Variants in COL22A1 observed in about 807,000 individuals in gnomAD.
COL22A1 encodes the protein collagen alpha-1(XXII) chain.
COL22A1 carries 221 observed loss-of-function variants against 248.9 expected under a neutral mutation model. That is an observed-to-expected ratio of 0.89 (90% CI 0.80 to 0.99). COL22A1 has a LOEUF of 0.99. Among genes scored for constraint, COL22A1 ranks in the 50% least tolerant of loss-of-function variants. COL22A1 has a pLI of 0.00. For missense variants in COL22A1, 2,240 were observed against 2,179.0 expected (o/e 1.03, Z -0.56); for synonymous variants, 891 against 793.4 (o/e 1.12, Z -2.07).
At chr8:138,738,136 G>T in intron 22 of COL22A1, among the ~76,000 whole-genome samples, 1 of 152,112 alleles carries the variant, frequency 6.6e-6, no homozygotes, top group South Asian at 2.1e-4. Flanking sequence ...TTATACAAGT[G>T]CATGGTTTTC....
intron 52 of COL22A1, among the ~76,000 whole-genome samples, chr8:138,622,179 T>A (rs148054887): frequency 1.3e-5 from 2 of 152,320 alleles, no homozygotes; most frequent in African/African-American, 4.8e-5. Context: ...CACCAGGAGC[T>A]ACAACTAGGG....
intron 30 of COL22A1, among the ~76,000 whole-genome samples, chr8:138,705,700 A>T (rs1480761020): frequency 6.6e-6 from 1 of 152,240 alleles, no homozygotes; most frequent in African/African-American, 2.4e-5. Context: ...AACACCACCC[A>T]TGCTAGGAAG....
rs143474920 is a variant in COL22A1, at chr8:138,608,462, T to C, written c.3979-473A>G. Among the ~76,000 whole-genome samples, 246 of 152,244 alleles carry C rather than the reference T, an allele frequency of 1.6e-3. 3 individuals carry two copies. In the East Asian group the frequency reaches 0.029, roughly 18 times the overall value. The stretch of plus-strand genomic sequence containing the variant: ...CCCGACTAAGGAGATCATTATACTC[T>C]CATTTAAAATACGTAGATACTGAGG... On this transcript the variant is annotated intron_variant, in intron 56 of 64. Transcript: ENST00000303045.
At chr8:138,624,226 A>G (rs775650233) in intron 51 of COL22A1, among the ~76,000 whole-genome samples, 1 of 152,142 alleles carries the variant, frequency 6.6e-6, no homozygotes, top group Non-Finnish European at 1.5e-5. Context: ...AGCATGGTTC[A>G]CTACTGTGGG....
At chr8:138,812,881 C>A in intron 8 of COL22A1, 58 bp downstream of exon 8, 2 of 1,298,116 alleles carry the variant, frequency 1.5e-6, no homozygotes, top group East Asian at 2.3e-5. Flanking sequence ...GATTCCCCTT[C>A]CCTCTGGAGG....
intron 7 of COL22A1, among the ~76,000 whole-genome samples, chr8:138,820,805 G>A (rs535905190): frequency 1.6e-4 from 24 of 152,166 alleles, no homozygotes; most frequent in African/African-American, 5.3e-4. Flanking sequence ...TTGTTTATGC[G>A]GCCAGATCCA....
chr8:138,817,264 C>T (rs985735727), intron 7 of COL22A1, among the ~76,000 whole-genome samples: 6 of 152,170 alleles, frequency 3.9e-5, no homozygotes, highest in African/African-American at 1.4e-4. Flanking sequence ...CCACTGTGAG[C>T]ATCTGCAGTT....
chr8:138,782,690 T>C (rs186019976), intron 12 of COL22A1, among the ~76,000 whole-genome samples: 1 of 152,296 alleles, frequency 6.6e-6, no homozygotes, highest in Admixed American at 6.5e-5. Flanking sequence ...AGTGTGGATA[T>C]TGTTACCAGC....
intron 47 of COL22A1, among the ~76,000 whole-genome samples, chr8:138,643,569 C>T (rs1036789104): frequency 6.6e-6 from 1 of 151,120 alleles, no homozygotes; most frequent in African/African-American, 2.4e-5. Flanking sequence ...TACTGAATAC[C>T]TCTTGCTGAG....
At chr8:138,674,364 C>T (rs1825326490) in intron 41 of COL22A1, among the ~76,000 whole-genome samples, 1 of 151,990 alleles carries the variant, frequency 6.6e-6, no homozygotes. Context: ...CTCCTCCACA[C>T]ACCTTTGCTT....
intron 30 of COL22A1, 27 bp from the exon 31 acceptor site, chr8:138,703,374 A>G: frequency 6.2e-7 from 1 of 1,606,962 alleles, no homozygotes; most frequent in Non-Finnish European, 8.5e-7. Context: ...AAAATCCATG[A>G]CCATTAATCT....
chr8:138,913,668 A>G lies in COL22A1; in HGVS notation c.-122T>C, dbSNP rs193035580. ...CCAGCGGAGGTCCAGTCCTGGGCCC[A>G]GGCCCACTGGAAGCAGCAGCTGGGA... is the stretch of plus-strand genomic sequence containing the variant. On this transcript the variant is annotated 5_prime_UTR_variant, in exon 1 of 65. Transcript: ENST00000303045. 1.5e-3 allele frequency: 237 copies of G among 152,904 alleles called. 1 individual carries two copies. The highest frequency in any genetic ancestry group is 4.6e-3 in the African/African-American group (192 of 41,588). 9.5% of individuals were successfully genotyped at this position (152,904 alleles called of 1,614,324 possible). A position where few individuals can be genotyped will look rare whatever the true frequency, so the allele number is the denominator to read the frequency against.
intron 56 of COL22A1, among the ~76,000 whole-genome samples, chr8:138,609,729 C>T (rs554318907): frequency 1.3e-5 from 2 of 151,952 alleles, no homozygotes; most frequent in South Asian, 4.1e-4. Flanking sequence ...AGGGCCAAGA[C>T]ATTGCAGAGA....
chr8:138,711,009 C>T (rs1248385737), intron 30 of COL22A1, among the ~76,000 whole-genome samples: 4 of 152,094 alleles, frequency 2.6e-5, no homozygotes, highest in East Asian at 1.9e-4. Context: ...ATGAAGACTG[C>T]CTTTTGGAAA....
chr8:138,592,372 T>C (rs1034831501), intron 63 of COL22A1, among the ~76,000 whole-genome samples: 8 of 152,220 alleles, frequency 5.3e-5, no homozygotes, highest in Non-Finnish European at 8.8e-5. Context: ...GTAACCCCAA[T>C]TGAAATTCTG....
chr8:138,655,985 A>G (rs769319207), intron 44 of COL22A1, 41 bp from the exon 45 acceptor site: 19 of 1,483,720 alleles, frequency 1.3e-5, no homozygotes, highest in Non-Finnish European at 1.6e-5. Context: ...GTACATGCAT[A>G]TATACAATAA....
chr8:138,684,342 G>A (rs80229288), intron 39 of COL22A1, 83 bp downstream of exon 39: 20 of 869,284 alleles, frequency 2.3e-5, no homozygotes, highest in East Asian at 1.9e-4. Flanking sequence ...TGAGGTAACC[G>A]GAGATGCTTA....
intron 45 of COL22A1, among the ~76,000 whole-genome samples, chr8:138,653,772 A>G (rs903023785): frequency 3.3e-5 from 5 of 152,198 alleles, no homozygotes; most frequent in Non-Finnish European, 7.4e-5. Flanking sequence ...ATCTGCCACC[A>G]GCCACCTAGA....
At chr8:138,612,024 AC>A (rs1322999893) in intron 56 of COL22A1, among the ~76,000 whole-genome samples, 1 of 152,224 alleles carries the variant, frequency 6.6e-6, no homozygotes, top group Admixed American at 6.5e-5. Flanking sequence ...TACAAGCTTT[AC>A]AAAAGAAGCC....
Sources: allele counts gnomAD v4.1 joint callset (sites outside exome capture counted in the v4.1 genomes callset), GRCh38; gene constraint gnomAD v4.1.1; transcripts MANE v1.5; gene names NCBI Gene and HGNC (gene_info 2026-07-23, HGNC 2026-07-21).